The following SLC9A9 variants were observed in gnomAD, a reference collection of about 807,000 sequenced individuals.
SLC9A9 encodes the protein sodium/hydrogen exchanger 9.
A neutral mutation model predicts 77.8 loss-of-function variants in SLC9A9; 62 were observed. The observed-to-expected ratio is 0.80, with a 90% CI of 0.65 to 0.98. SLC9A9 has a LOEUF of 0.98. Among genes scored for constraint, SLC9A9 ranks in the 50% least tolerant of loss-of-function variants. SLC9A9 has a pLI of 0.00. For missense variants in SLC9A9, 775 were observed against 774.9 expected (o/e 1.00, Z 0.00); for synonymous variants, 320 against 283.5 (o/e 1.13, Z -1.29).
At chr3:143,715,641 T>C (rs1307662498) in intron 4 of SLC9A9, among the ~76,000 whole-genome samples, 1 of 152,124 alleles carries the variant, frequency 6.6e-6, no homozygotes, top group South Asian at 2.1e-4. Flanking sequence ...CATGGACACA[T>C]AGGTGCTCAG....
intron 9 of SLC9A9, among the ~76,000 whole-genome samples, chr3:143,497,639 T>C (rs2035857695): frequency 6.6e-6 from 1 of 152,206 alleles, no homozygotes; most frequent in Non-Finnish European, 1.5e-5. Context: ...ATAACAGTAT[T>C]TAATCTTCTG....
At position 143,774,420 on chromosome 3, in the gene SLC9A9, G is replaced by A. The variant is rs142534657; in HGVS notation, c.533+20581C>T. On this transcript the variant is annotated intron_variant, in intron 4 of 15. Transcript: ENST00000316549. ...TTAGGGACACAGGTTGAAGCCAGAC[G>A]GCTTGGGTTCAAATCCCAGCTCTTC... 4.3e-3 allele frequency among the ~76,000 whole-genome samples: 652 copies of A among 152,276 alleles called. 8 individuals are homozygous for A. Among genetic ancestry groups the A allele is most frequent in the African/African-American group, 0.015 (626 of 41,546 alleles).
intron 4 of SLC9A9, among the ~76,000 whole-genome samples, chr3:143,724,204 G>A (rs758673367): frequency 6.6e-6 from 1 of 152,170 alleles, no homozygotes; most frequent in Non-Finnish European, 1.5e-5. Flanking sequence ...ATGATAGTGA[G>A]TGAGTTCTCA....
chr3:143,451,798 A>C (rs963291235), intron 12 of SLC9A9, among the ~76,000 whole-genome samples: 1 of 152,172 alleles, frequency 6.6e-6, no homozygotes, highest in Non-Finnish European at 1.5e-5. Context: ...TACTTTTGGG[A>C]TAAGACATAT....
At position 143,566,460 on chromosome 3, in the gene SLC9A9, T is replaced by G. The variant is rs1052442446; in HGVS notation, c.1000+7628A>C. Among the ~76,000 whole-genome samples, 6 of 152,174 alleles carry G rather than the reference T, an allele frequency of 3.9e-5. No individual in the cohort carries two copies. The East Asian group carries it at 1.2e-3, about 29-fold the overall frequency. ...GCCAGAGTGTTACTTGTTTTTAACT[T>G]CCCACACTTTCATTTTTTTTAAGAT... On this transcript the variant is annotated intron_variant, in intron 8 of 15. Coordinates refer to ENST00000316549, the MANE Select transcript of SLC9A9 (RefSeq NM_173653.4).
intron 12 of SLC9A9, among the ~76,000 whole-genome samples, chr3:143,451,324 C>T (rs1166197145): frequency 6.6e-6 from 1 of 152,110 alleles, no homozygotes; most frequent in African/African-American, 2.4e-5. Flanking sequence ...TCCAAGTGAT[C>T]CTTTTTGGTA....
Position 143,318,910 on chromosome 3 carries a change from G to T in SLC9A9, c.1604+44574C>A, listed in dbSNP as rs78885496. Reference sequence around the variant, plus strand: ...TTGGCCACGCAAGATGTGTTGTCAAGGTGGAGAGGAAAGTAAAAAGGCGTC... The same window carrying T: ...TTGGCCACGCAAGATGTGTTGTCAATGTGGAGAGGAAAGTAAAAAGGCGTC... On this transcript the variant is annotated intron_variant, in intron 14 of 15. Coordinates refer to ENST00000316549, the MANE Select transcript of SLC9A9 (RefSeq NM_173653.4). Among the ~76,000 whole-genome samples, 355 of 152,284 alleles carry T rather than the reference G, an allele frequency of 2.3e-3. 2 individuals are homozygous for T. Among genetic ancestry groups the T allele is most frequent in the African/African-American group, 8.3e-3 (344 of 41,544 alleles).
chr3:143,723,018 T>C (rs529298090), intron 4 of SLC9A9, among the ~76,000 whole-genome samples: 5 of 152,224 alleles, frequency 3.3e-5, no homozygotes, highest in East Asian at 1.9e-4. Context: ...TTGTCATTTT[T>C]CCCCTCAGTT....
intron 12 of SLC9A9, among the ~76,000 whole-genome samples, chr3:143,438,568 G>A (rs1345972005): frequency 1.3e-5 from 2 of 152,164 alleles, no homozygotes; most frequent in African/African-American, 4.8e-5. Flanking sequence ...ATCTGGGGAG[G>A]TTTTTAAAAA....
chr3:143,454,578 C>T (rs2035056726), intron 12 of SLC9A9, among the ~76,000 whole-genome samples: 2 of 152,082 alleles, frequency 1.3e-5, no homozygotes, highest in Non-Finnish European at 2.9e-5. Context: ...AACAAACTAC[C>T]AAACCTTAGC....
chr3:143,455,487 CT>C (rs754822311), intron 12 of SLC9A9, among the ~76,000 whole-genome samples: 1 of 152,156 alleles, frequency 6.6e-6, no homozygotes, highest in Non-Finnish European at 1.5e-5. Flanking sequence ...TGTATGAAAT[CT>C]CTGGATCAAT....
chr3:143,557,174 G>A (rs2036999985), intron 8 of SLC9A9, among the ~76,000 whole-genome samples: 1 of 152,078 alleles, frequency 6.6e-6, no homozygotes, highest in African/African-American at 2.4e-5. Context: ...TTTTACATGT[G>A]TCTGGCGTTT....
intron 12 of SLC9A9, among the ~76,000 whole-genome samples, chr3:143,395,272 C>G (rs2033697685): frequency 6.6e-6 from 1 of 152,148 alleles, no homozygotes; most frequent in Admixed American, 6.5e-5. Flanking sequence ...TGGAACAGAA[C>G]AGAGCCCTCA....
Position 143,266,902 on chromosome 3 carries a change from A to G in SLC9A9, c.1738T>C (p.Cys580Arg). Residue 580 changes from cysteine (C) to arginine (R), a missense_variant, in exon 16 of 16, where the codon TGC becomes CGC. Transcript: ENST00000316549. ...GCTAGTTCATCCTGGTTTACAATGC[A>G]TTCCACATCATCCTCTTTTAGCTGT... ...GEQLKEDDVE[C>R]IVNQDELAIN... 1 of 1,614,054 alleles carries G rather than the reference A, an allele frequency of 6.2e-7. No homozygotes were observed. Among genetic ancestry groups the G allele is most frequent in the African/African-American group, 1.3e-5 (1 of 75,038 alleles).
At chr3:143,648,424 T>G (rs1247426524) in intron 6 of SLC9A9, among the ~76,000 whole-genome samples, 1 of 152,170 alleles carries the variant, frequency 6.6e-6, no homozygotes, top group Non-Finnish European at 1.5e-5. Flanking sequence ...GGGTTTGCGC[T>G]GCTAGGAGAA....
chr3:143,765,118 T>C (rs986722901), intron 4 of SLC9A9, among the ~76,000 whole-genome samples: 2 of 150,826 alleles, frequency 1.3e-5, no homozygotes, highest in African/African-American at 4.9e-5. Flanking sequence ...TCTTTTTCTT[T>C]CTTTCTCTCT....
rs143672435 is a variant in SLC9A9, at chr3:143,317,304, G to A, written c.1604+46180C>T. On this transcript the variant is annotated intron_variant, in intron 14 of 15. Coordinates refer to ENST00000316549, the MANE Select transcript of SLC9A9 (RefSeq NM_173653.4). Reference sequence around the variant, plus strand: ...ACTATGGCCAGGGCAGCCCTCCTCAGAGACAAGCTCCTGCCCGAGGAGCTA... The same window carrying A: ...ACTATGGCCAGGGCAGCCCTCCTCAAAGACAAGCTCCTGCCCGAGGAGCTA... Among the ~76,000 whole-genome samples the A allele has an allele frequency of 1.2e-4, 19 of 152,128 alleles. No individual in the cohort carries two copies. In the East Asian group the frequency reaches 3.7e-3, roughly 29 times the overall value.
At chr3:143,699,747 C>T (rs915555233) in intron 4 of SLC9A9, among the ~76,000 whole-genome samples, 4 of 152,070 alleles carry the variant, frequency 2.6e-5, no homozygotes, top group Non-Finnish European at 5.9e-5. Context: ...GAAAGGCAGT[C>T]TAGGGTACAA....
At chr3:143,781,335 TAAA>T (rs2108847529) in intron 4 of SLC9A9, among the ~76,000 whole-genome samples, 1 of 152,352 alleles carries the variant, frequency 6.6e-6, no homozygotes, top group South Asian at 2.1e-4. Context: ...TCAATAAAAG[TAAA>T]TTGGGGAAAT....
Sources: allele counts gnomAD v4.1 joint callset (sites outside exome capture counted in the v4.1 genomes callset), GRCh38; gene constraint gnomAD v4.1.1; transcripts MANE v1.5; gene names NCBI Gene and HGNC (gene_info 2026-07-23, HGNC 2026-07-21).